PCDHA10: variants seen among roughly 807,000 people sequenced by gnomAD.
PCDHA10 encodes protocadherin alpha 10, also known as protocadherin alpha-10.
Under a neutral mutation model 61.2 loss-of-function variants are expected in PCDHA10, and 45 were observed. That is an observed-to-expected ratio of 0.74 (90% CI 0.58 to 0.94). The LOEUF (loss-of-function observed/expected upper bound fraction) is 0.94. PCDHA10 is among the 40% of genes least tolerant of loss of function. The pLI, the probability that PCDHA10 is intolerant of heterozygous loss-of-function variation, is 0.00. For synonymous variants in PCDHA10, 602 were observed against 548.8 expected, an observed-to-expected ratio of 1.10 and a Z score of -1.35; for missense variants, 1,278 against 1,236.2, an observed-to-expected ratio of 1.03 and a Z score of -0.51.
At chr5:140,987,211 C>T (rs1190567678) in intron 3 of PCDHA10, among the ~76,000 whole-genome samples, 2 of 145,072 alleles carry the variant, frequency 1.4e-5, no homozygotes, top group Non-Finnish European at 3.0e-5. Flanking sequence ...GAGACTCCAT[C>T]TCAAAAAAAA....
chr5:140,857,138 G>A lies in PCDHA10; in HGVS notation c.1090G>A (p.Val364Met). 2 of 1,598,300 alleles carry A rather than the reference G, an allele frequency of 1.3e-6. No individual in the cohort carries two copies. Among genetic ancestry groups the A allele is most frequent in the Non-Finnish European group, 1.7e-6 (2 of 1,167,780 alleles). Residue 364 changes from valine to methionine, a missense_variant, in exon 1 of 4, where the codon GTG becomes ATG. By Grantham distance (21) the Val-to-Met change is conservative. Coordinates refer to ENST00000307360, the MANE Select transcript of PCDHA10 (RefSeq NM_018901.4). ...LSLPVKEDAQ[V>M]GTVIALISVS... The stretch of plus-strand genomic sequence containing the variant: ...TCTCCCAGTGAAAGAAGATGCTCAA[G>A]TGGGCACCGTCATTGCCCTAATCAG...
intron 1 of PCDHA10, chr5:140,969,215 C>A (rs782320507): frequency 6.2e-7 from 1 of 1,614,010 alleles, no homozygotes; most frequent in Admixed American, 1.7e-5. Context: ...CCAGACAGGA[C>A]CAGGGCCTTC....
chr5:140,998,743 T>A (rs2097832293), intron 3 of PCDHA10, among the ~76,000 whole-genome samples: 1 of 152,138 alleles, frequency 6.6e-6, no homozygotes, highest in Non-Finnish European at 1.5e-5. Flanking sequence ...TTTGTATTTT[T>A]AGAAGAGACA....
intron 1 of PCDHA10, chr5:140,929,124 C>T: frequency 6.2e-7 from 1 of 1,614,166 alleles, no homozygotes; most frequent in Non-Finnish European, 8.5e-7. Flanking sequence ...CCATAGATGT[C>T]ACTACAGTTG....
Position 140,928,600 on chromosome 5 carries a change from G to C in PCDHA10, c.2389-50349G>C, listed in dbSNP as rs144698541. ...AAATGGTTCTGTCCCAGTGGAAATT[G>C]TGCCCCGCTCTGCCAGGACTGGACA... On this transcript the variant is annotated intron_variant, in intron 1 of 3. Coordinates refer to ENST00000307360, the MANE Select transcript of PCDHA10 (RefSeq NM_018901.4). 3.1e-6 allele frequency: 5 copies of C among 1,614,090 alleles called. No homozygotes were observed. In the African/African-American group the frequency reaches 6.7e-5, roughly 22 times the overall value.
At chr5:140,895,207 T>C (rs1392562241) in intron 1 of PCDHA10, among the ~76,000 whole-genome samples, 2 of 152,208 alleles carry the variant, frequency 1.3e-5, no homozygotes, top group Non-Finnish European at 2.9e-5. Context: ...TTTGCTTTTA[T>C]TTCTAATATT....
rs535622037 is a variant in PCDHA10 at position 140,926,265 on chromosome 5, G to T, written c.2389-52684G>T. The T allele has an allele frequency of 8.1e-3, 1,228 of 152,360 alleles. 6 individuals carry two copies. The highest frequency in any genetic ancestry group is 0.019 in the African/African-American group (792 of 41,548). 9.4% of individuals were successfully genotyped at this position (152,360 alleles called of 1,614,324 possible). ...CACGTTCACCGTCCCGCCTCTCGCC[G>T]CCTCCGCTCGGCAGCTCCACGCTGA... is the stretch of plus-strand genomic sequence containing the variant. On this transcript the variant is annotated intron_variant, in intron 1 of 3. Transcript: ENST00000307360.
rs77078209 is a variant in PCDHA10 at position 140,927,973 on chromosome 5, C to T, written c.2389-50976C>T. ...CGCTGCCCCTGGCACAGTGATTGCT[C>T]TCTTTAGTGTAAAGGATGAAGACCT... On this transcript the variant is annotated intron_variant, in intron 1 of 3. Transcript: ENST00000307360. The T allele has an allele frequency of 1.9e-6, 3 of 1,614,216 alleles. No individual in the cohort carries two copies. The East Asian group carries it at 6.7e-5, about 36-fold the overall frequency.
chr5:140,869,219 C>A (rs543814850), intron 1 of PCDHA10: 1 of 1,613,836 alleles, frequency 6.2e-7, no homozygotes, highest in African/African-American at 1.3e-5. Context: ...TCGGAGGAGG[C>A]CAAACACGGC....
At chr5:140,863,236 G>A (rs782784210) in intron 1 of PCDHA10, 6 of 1,282,274 alleles carry the variant, frequency 4.7e-6, no homozygotes, top group Non-Finnish European at 4.4e-6. Context: ...CCCATCGCGG[G>A]CTTTGGCGGG....
intron 1 of PCDHA10, among the ~76,000 whole-genome samples, chr5:140,941,207 C>CTTCCTTTCTT (rs1563185091): frequency 3.9e-5 from 4 of 103,272 alleles, no homozygotes; most frequent in African/African-American, 1.7e-4. Context: ...TTCTTCCTTT[C>CTTCCTTTCTT]TTTCTTCCTT....
At chr5:140,947,238 A>G (rs1252869330) in intron 1 of PCDHA10, among the ~76,000 whole-genome samples, 2 of 151,618 alleles carry the variant, frequency 1.3e-5, no homozygotes, top group Non-Finnish European at 3.0e-5. Flanking sequence ...GGAAAAAAAA[A>G]TAAGATAATC....
intron 1 of PCDHA10, among the ~76,000 whole-genome samples, chr5:140,947,497 T>A (rs1289449406): frequency 6.6e-6 from 1 of 151,724 alleles, no homozygotes; most frequent in Non-Finnish European, 1.5e-5. Flanking sequence ...ATAGGTCATT[T>A]AAATTTTCAT....
intron 1 of PCDHA10, chr5:140,881,244 C>A (rs1219638908): frequency 4.8e-5 from 19 of 396,890 alleles, no homozygotes; most frequent in Non-Finnish European, 6.2e-5. Context: ...ATTTAAATGA[C>A]GGCAAGGTTT....
intron 3 of PCDHA10, among the ~76,000 whole-genome samples, chr5:140,996,349 A>G (rs2097722990): frequency 6.6e-6 from 1 of 152,184 alleles, no homozygotes; most frequent in African/African-American, 2.4e-5. Flanking sequence ...AACCCAACCA[A>G]AGTCAGAAGC....
intron 1 of PCDHA10, among the ~76,000 whole-genome samples, chr5:140,961,697 T>A (rs1326642906): frequency 6.6e-6 from 1 of 152,232 alleles, no homozygotes; most frequent in Non-Finnish European, 1.5e-5. Flanking sequence ...GTCCTTAGTA[T>A]GAATGCCTTC....
At chr5:140,919,387 G>A (rs180927321) in intron 1 of PCDHA10, among the ~76,000 whole-genome samples, 420 of 152,292 alleles carry the variant, frequency 2.8e-3, no homozygotes, top group Middle Eastern at 6.8e-3. Context: ...ATAGTTGGAT[G>A]TTGTTTTCCT....
intron 1 of PCDHA10, among the ~76,000 whole-genome samples, chr5:140,915,256 T>C (rs782716023): frequency 1.3e-5 from 2 of 152,162 alleles, no homozygotes; most frequent in Non-Finnish European, 2.9e-5. Flanking sequence ...CAGGTTGTTA[T>C]TATTTTTGAC....
At chr5:140,882,488 C>T in intron 1 of PCDHA10, 6 of 1,614,074 alleles carry the variant, frequency 3.7e-6, no homozygotes, top group South Asian at 1.1e-5. Context: ...ACACGGGGAC[C>T]TTCTGGAGGT....
Sources: gnomAD v4.1 joint callset for allele counts (sites outside exome capture counted in the v4.1 genomes callset) on GRCh38, gnomAD v4.1.1 for gene constraint, MANE v1.5 for transcripts, NCBI Gene and HGNC (gene_info 2026-07-23, HGNC 2026-07-21) for gene names.